RANBP2: variants seen among roughly 807,000 people sequenced by gnomAD.
RANBP2 encodes E3 SUMO-protein ligase RanBP2.
Under a neutral mutation model 303.6 loss-of-function variants are expected in RANBP2, and 57 were observed. That is an observed-to-expected ratio of 0.19 (90% confidence interval 0.15 to 0.23). RANBP2 has a LOEUF of 0.23. RANBP2 is among the 10% of genes least tolerant of loss of function. RANBP2 has a pLI of 1.00. For synonymous variants in RANBP2, 1,167 were observed against 1,301.5 expected (o/e 0.90, Z 2.23); for missense variants, 3,138 against 3,780.8 (o/e 0.83, Z 4.46).
the RANBP2 span, among the ~76,000 whole-genome samples, chr2:109,186,279 T>A: frequency 1.3e-5 from 2 of 152,258 alleles, no homozygotes; most frequent in Non-Finnish European, 2.9e-5. Context: ...GATGAATTCA[T>A]GTAATCCTGA....
At chr2:109,594,627 A>T in the RANBP2 span, 1 of 152,240 alleles carries the variant, frequency 6.6e-6, no homozygotes, top group Non-Finnish European at 1.5e-5. Context: ...AATTACAATG[A>T]ACCATGCTGC....
intron 1 of RANBP2, among the ~76,000 whole-genome samples, chr2:108,726,256 C>T (rs1694696055): frequency 1.3e-5 from 2 of 152,158 alleles, no homozygotes; most frequent in Admixed American, 1.3e-4. Flanking sequence ...TCGCCACCCG[C>T]TAGTTACATA....
the RANBP2 span, among the ~76,000 whole-genome samples, chr2:108,983,772 C>G: frequency 6.6e-6 from 1 of 152,232 alleles, no homozygotes; most frequent in Non-Finnish European, 1.5e-5. Flanking sequence ...CATATGGAGT[C>G]AACAGGAACA....
chr2:109,350,516 C>T, the RANBP2 span, among the ~76,000 whole-genome samples: 1 of 152,218 alleles, frequency 6.6e-6, no homozygotes, highest in African/African-American at 2.4e-5. Flanking sequence ...GACCCTCTGA[C>T]CCCCAAAGGG....
the RANBP2 span, among the ~76,000 whole-genome samples, chr2:109,453,896 C>T: frequency 6.6e-6 from 1 of 152,160 alleles, no homozygotes. Flanking sequence ...GAGCAGAGGC[C>T]AGGGGACATG....
At chr2:108,994,819 TATATATATA>T in the RANBP2 span, among the ~76,000 whole-genome samples, 2 of 10,004 alleles carry the variant, frequency 2.0e-4, no homozygotes, top group African/African-American at 5.1e-4. Context: ...TATATATATA[TATATATATA>T]TCTTTTTTTT....
At chr2:109,484,138 G>A in the RANBP2 span, among the ~76,000 whole-genome samples, 21 of 145,112 alleles carry the variant, frequency 1.4e-4, no homozygotes, top group Non-Finnish European at 2.8e-4. Context: ...GCGTGATCTT[G>A]TCACTGCAAC....
the RANBP2 span, among the ~76,000 whole-genome samples, chr2:109,799,299 T>G: frequency 8.8e-6 from 1 of 114,062 alleles, no homozygotes; most frequent in Non-Finnish European, 1.7e-5. Flanking sequence ...CTGTCCTGAC[T>G]GTTGTGTATT....
chr2:108,765,542 A>T lies in RANBP2; in HGVS notation c.5003A>T (p.Gln1668Leu), dbSNP rs143787538. 1 of 1,559,916 alleles carries T rather than the reference A, an allele frequency of 6.4e-7. No homozygotes were observed. The highest frequency in any genetic ancestry group is 8.6e-7 in the Non-Finnish European group (1 of 1,157,618). Residue 1668 changes from glutamine to leucine, a missense_variant, in exon 20 of 29, where the codon CAG (glutamine) becomes CTG (leucine). Gln to Leu is a moderately radical substitution (Grantham distance 113). This residue lies in a region of RANBP2 where 51 missense variants were observed against 112.1 expected (regional missense o/e 0.45). Coordinates refer to ENST00000283195, the MANE Select transcript of RANBP2 (RefSeq NM_006267.5). ...FEGMFTKKEG[Q>L]WDCSVCLVRN... ...GGAATGTTCACTAAGAAGGAGGGACAGTGGGATTGCAGTGTGTGCTTAGTA... is the reference window on the plus strand; with the variant it reads ...GGAATGTTCACTAAGAAGGAGGGACTGTGGGATTGCAGTGTGTGCTTAGTA...
chr2:108,821,037 A>G, the RANBP2 span, among the ~76,000 whole-genome samples: 39 of 152,080 alleles, frequency 2.6e-4, no homozygotes, highest in African/African-American at 8.0e-4. Context: ...CTGTAAGTCT[A>G]TGTTAGGGGT....
At chr2:109,189,393 G>C in the RANBP2 span, among the ~76,000 whole-genome samples, 58 of 147,680 alleles carry the variant, frequency 3.9e-4, no homozygotes, top group African/African-American at 9.5e-4. Context: ...TTTTTTTTGA[G>C]ACGGAGTCTC....
chr2:109,661,767 C>T, the RANBP2 span, among the ~76,000 whole-genome samples: 9 of 152,298 alleles, frequency 5.9e-5, no homozygotes, highest in East Asian at 1.7e-3. Flanking sequence ...CCCTTGGATG[C>T]CCTACAGGTA....
the RANBP2 span, among the ~76,000 whole-genome samples, chr2:109,212,574 G>A: frequency 1.3e-5 from 2 of 152,226 alleles, no homozygotes; most frequent in African/African-American, 4.8e-5. Flanking sequence ...GTGGCTTGAG[G>A]AGAAGTCGGC....
At chr2:109,042,259 C>T in the RANBP2 span, among the ~76,000 whole-genome samples, 1 of 152,184 alleles carries the variant, frequency 6.6e-6, no homozygotes, top group Non-Finnish European at 1.5e-5. Context: ...TTCTGTTGAG[C>T]AGTTTTATTT....
At chr2:109,553,241 T>C in the RANBP2 span, 1 of 1,612,008 alleles carries the variant, frequency 6.2e-7, no homozygotes, top group Non-Finnish European at 8.5e-7. Flanking sequence ...TTTGTGTTAC[T>C]CTCCTGCTAA....
the RANBP2 span, among the ~76,000 whole-genome samples, chr2:109,086,349 C>T: frequency 6.6e-6 from 1 of 152,138 alleles, no homozygotes; most frequent in Non-Finnish European, 1.5e-5. Flanking sequence ...GGATGCAGGG[C>T]CCTAATATTT....
At chr2:109,092,597 C>T in the RANBP2 span, among the ~76,000 whole-genome samples, 1 of 152,100 alleles carries the variant, frequency 6.6e-6, no homozygotes, top group Admixed American at 6.5e-5. Context: ...ACAGCTATGG[C>T]ACAGGGAGCA....
At chr2:108,939,570 A>G in the RANBP2 span, among the ~76,000 whole-genome samples, 1 of 132,650 alleles carries the variant, frequency 7.5e-6, no homozygotes, top group Admixed American at 7.6e-5. Context: ...AGAGAGAGGG[A>G]ACAGTGTGGG....
the RANBP2 span, among the ~76,000 whole-genome samples, chr2:109,438,552 A>G: frequency 1.3e-5 from 2 of 152,210 alleles, no homozygotes; most frequent in African/African-American, 2.4e-5. Flanking sequence ...CTCTACTAGT[A>G]TCTTTTTTAC....
Sources: gnomAD v4.1 joint callset for allele counts (sites outside exome capture counted in the v4.1 genomes callset) on GRCh38, gnomAD v4.1.1 for gene constraint, gnomAD v4.1.1 regional missense constraint, MANE v1.5 for transcripts, NCBI Gene and HGNC (gene_info 2026-07-23, HGNC 2026-07-21) for gene names.